The following ACBD6 variants were observed in gnomAD, a reference collection of about 807,000 sequenced individuals.
The protein encoded by ACBD6 is acyl-CoA-binding domain-containing protein 6.
Under a neutral mutation model 37.2 loss-of-function variants are expected in ACBD6, and 28 were observed. The observed-to-expected ratio is 0.75, with a 90% confidence interval of 0.56 to 1.03. The LOEUF (loss-of-function observed/expected upper bound fraction) is 1.03. ACBD6 is among the 50% of genes least tolerant of loss of function. The pLI is 0.00. For missense variants in ACBD6, 340 were observed against 337.4 expected, an observed-to-expected ratio of 1.01 and a Z score of -0.06; for synonymous variants, 113 against 126.8, an observed-to-expected ratio of 0.89 and a Z score of 0.73.
chr1:180,378,320 T>A (rs1571428408), intron 6 of ACBD6, among the ~76,000 whole-genome samples: 1 of 152,136 alleles, frequency 6.6e-6, no homozygotes, highest in Non-Finnish European at 1.5e-5. Context: ...AATTAAAGTA[T>A]AAGGAACGAC....
chr1:180,317,884 T>C (rs765541504), intron 6 of ACBD6, among the ~76,000 whole-genome samples: 2 of 152,144 alleles, frequency 1.3e-5, no homozygotes, highest in African/African-American at 2.4e-5. Flanking sequence ...CCTATAAGAA[T>C]ACTTATCTGG....
intron 6 of ACBD6, among the ~76,000 whole-genome samples, chr1:180,389,939 C>T (rs1378839998): frequency 6.6e-6 from 1 of 151,818 alleles, no homozygotes; most frequent in Non-Finnish European, 1.5e-5. Flanking sequence ...AAATTTTCTC[C>T]CATTTTGTAG....
intron 6 of ACBD6, among the ~76,000 whole-genome samples, chr1:180,364,163 C>A (rs1485130099): frequency 6.6e-6 from 1 of 152,172 alleles, no homozygotes; most frequent in Admixed American, 6.5e-5. Flanking sequence ...AATATAATAT[C>A]TACATCTATA....
At chr1:180,313,344 T>C (rs1650666912) in intron 7 of ACBD6, among the ~76,000 whole-genome samples, 1 of 152,182 alleles carries the variant, frequency 6.6e-6, no homozygotes, top group African/African-American at 2.4e-5. Flanking sequence ...TAGGCTGACA[T>C]ATGTAGGTAG....
At chr1:180,394,210 C>T (rs1209133825) in intron 6 of ACBD6, among the ~76,000 whole-genome samples, 3 of 152,124 alleles carry the variant, frequency 2.0e-5, no homozygotes, top group Non-Finnish European at 2.9e-5. Context: ...CCTCCCACCA[C>T]AGCCTCCAGA....
intron 6 of ACBD6, among the ~76,000 whole-genome samples, chr1:180,383,629 C>G (rs775988172): frequency 6.6e-6 from 1 of 152,090 alleles, no homozygotes; most frequent in Non-Finnish European, 1.5e-5. Flanking sequence ...CAACCCCTAT[C>G]AAAATATTGA....
chr1:180,495,210 G>A lies in ACBD6; in HGVS notation c.287+251C>T, dbSNP rs76854333. ...AAAATCTCAAGCAATAGCTCTCATG[G>A]TATTAAAATGTAAGGCATGTATGTC... On this transcript the variant is annotated intron_variant, in intron 2 of 7. Transcript: ENST00000367595. Among the ~76,000 whole-genome samples, 30 of 152,280 alleles carry A rather than the reference G, an allele frequency of 2.0e-4. No homozygotes were observed. In the East Asian group the frequency reaches 5.8e-3, roughly 29 times the overall value.
chr1:180,377,067 G>T (rs1653465527), intron 6 of ACBD6, among the ~76,000 whole-genome samples: 1 of 152,030 alleles, frequency 6.6e-6, no homozygotes, highest in Non-Finnish European at 1.5e-5. Flanking sequence ...TTCACACAGA[G>T]GTATGAGTTA....
At chr1:180,285,958 T>C (rs988478666), downstream of ACBD6, among the ~76,000 whole-genome samples, 1 of 152,162 alleles carries the variant, frequency 6.6e-6, no homozygotes, top group African/African-American at 2.4e-5. Flanking sequence ...GTTTAAAAGA[T>C]TTAGTTAGTT....
At chr1:180,362,254 A>C (rs1283688231) in intron 6 of ACBD6, among the ~76,000 whole-genome samples, 1 of 152,230 alleles carries the variant, frequency 6.6e-6, no homozygotes, top group East Asian at 1.9e-4. Context: ...TATTACGTGC[A>C]TTTAAAAAGT....
chr1:180,369,025 T>A (rs533645362), intron 6 of ACBD6, among the ~76,000 whole-genome samples: 4 of 152,294 alleles, frequency 2.6e-5, no homozygotes, highest in Non-Finnish European at 4.4e-5. Context: ...AAAACAAATC[T>A]TATTCAGAAG....
chr1:180,444,338 G>A (rs1571519772), intron 3 of ACBD6, among the ~76,000 whole-genome samples: 1 of 149,018 alleles, frequency 6.7e-6, no homozygotes, highest in Non-Finnish European at 1.5e-5. Context: ...AAAAAAAACT[G>A]ACCCCATAAT....
chr1:180,453,470 C>T (rs1243216204), intron 3 of ACBD6, among the ~76,000 whole-genome samples: 5 of 152,186 alleles, frequency 3.3e-5, no homozygotes, highest in South Asian at 2.1e-4. Flanking sequence ...AGAAGCATTC[C>T]CTTTGAAAAC....
intron 3 of ACBD6, among the ~76,000 whole-genome samples, chr1:180,462,532 T>C (rs1650186820): frequency 6.6e-6 from 1 of 152,170 alleles, no homozygotes; most frequent in Non-Finnish European, 1.5e-5. Flanking sequence ...AAGAGCTAAT[T>C]ATCCTAAATA....
chr1:180,489,820 C>A (rs1042049651), intron 3 of ACBD6, among the ~76,000 whole-genome samples: 4 of 151,952 alleles, frequency 2.6e-5, no homozygotes, highest in Admixed American at 2.6e-4. Context: ...CCATTGCTGG[C>A]TAATTTTTGC....
chr1:180,334,687 A>G (rs988913457), intron 6 of ACBD6, among the ~76,000 whole-genome samples: 2 of 152,236 alleles, frequency 1.3e-5, no homozygotes, highest in Non-Finnish European at 2.9e-5. Context: ...TTGAGAGAAG[A>G]AGGCTTCAGA....
chr1:180,318,768 T>C (rs1377898935), intron 6 of ACBD6, among the ~76,000 whole-genome samples: 1 of 152,214 alleles, frequency 6.6e-6, no homozygotes, highest in East Asian at 1.9e-4. Flanking sequence ...GGGTGGTTGG[T>C]ATTATTTGAG....
At chr1:180,306,286 A>C (rs76579943) in intron 7 of ACBD6, among the ~76,000 whole-genome samples, 49 of 152,042 alleles carry the variant, frequency 3.2e-4, no homozygotes, top group Admixed American at 1.9e-3. Flanking sequence ...CAAACCAAAC[A>C]AAACAAAAAA....
chr1:180,380,261 A>G (rs1653589340), intron 6 of ACBD6, among the ~76,000 whole-genome samples: 1 of 125,856 alleles, frequency 7.9e-6, no homozygotes, highest in African/African-American at 2.5e-5. Context: ...AAACAAACAA[A>G]AACAAAAACA....
Sources: gnomAD v4.1 joint callset for allele counts (sites outside exome capture counted in the v4.1 genomes callset) on GRCh38, gnomAD v4.1.1 for gene constraint, MANE v1.5 for transcripts, NCBI Gene and HGNC (gene_info 2026-07-23, HGNC 2026-07-21) for gene names.